The following LCLAT1 variants were observed in gnomAD, a reference collection of about 807,000 sequenced individuals.
The protein encoded by LCLAT1 is 1-AGP acyltransferase 8.
A neutral mutation model predicts 30.7 loss-of-function variants in LCLAT1; 11 were observed. The observed-to-expected ratio is 0.36, with a 90% CI of 0.23 to 0.59. The LOEUF (loss-of-function observed/expected upper bound fraction) is 0.59, where lower values mean the gene tolerates loss of function less well. LCLAT1 is among the 20% of genes least tolerant of loss of function. LCLAT1 has a pLI of 0.77. For missense variants in LCLAT1, 402 were observed against 458.6 expected, an observed-to-expected ratio of 0.88 and a Z score of 1.13; for synonymous variants, 155 against 151.3, an observed-to-expected ratio of 1.02 and a Z score of -0.18.
chr2:30,556,577 G>T (rs1664927301), intron 3 of LCLAT1, among the ~76,000 whole-genome samples: 1 of 152,012 alleles, frequency 6.6e-6, no homozygotes, highest in Admixed American at 6.5e-5. Flanking sequence ...ATAAAGACAA[G>T]AAATTCTCAG....
intron 1 of LCLAT1, among the ~76,000 whole-genome samples, chr2:30,467,822 G>A (rs1201028277): frequency 1.3e-5 from 2 of 151,992 alleles, no homozygotes; most frequent in African/African-American, 2.4e-5. Flanking sequence ...TGAGTTCTTT[G>A]TAGATTCTGG....
At chr2:30,455,865 A>G (rs903690838) in intron 1 of LCLAT1, among the ~76,000 whole-genome samples, 3 of 141,586 alleles carry the variant, frequency 2.1e-5, no homozygotes, top group African/African-American at 8.0e-5. Flanking sequence ...AGCTGTGATC[A>G]TGCCACTCAA....
intron 4 of LCLAT1, among the ~76,000 whole-genome samples, chr2:30,565,254 G>A (rs1202864762): frequency 6.6e-6 from 1 of 151,816 alleles, no homozygotes; most frequent in East Asian, 1.9e-4. Flanking sequence ...GAGATCCCGG[G>A]AAGTAGTCGA....
intron 2 of LCLAT1, among the ~76,000 whole-genome samples, chr2:30,529,521 A>C (rs1685888546): frequency 6.6e-6 from 1 of 152,222 alleles, no homozygotes; most frequent in Non-Finnish European, 1.5e-5. Context: ...CAAACTCAGC[A>C]TGTGCTCAGA....
At chr2:30,617,923 T>C (rs752221141) in intron 5 of LCLAT1, among the ~76,000 whole-genome samples, 4 of 152,182 alleles carry the variant, frequency 2.6e-5, no homozygotes, top group Non-Finnish European at 5.9e-5. Flanking sequence ...GCAAACATTA[T>C]CTTCCAATCT....
chr2:30,485,194 A>G (rs921706474), intron 1 of LCLAT1, among the ~76,000 whole-genome samples: 4 of 152,204 alleles, frequency 2.6e-5, no homozygotes, highest in Non-Finnish European at 5.9e-5. Flanking sequence ...AATTATCAGC[A>G]GATGTTTTCC....
intron 5 of LCLAT1, among the ~76,000 whole-genome samples, chr2:30,585,542 T>C (rs1666396955): frequency 6.6e-6 from 1 of 152,192 alleles, no homozygotes; most frequent in South Asian, 2.1e-4. Flanking sequence ...GGATCTTGTC[T>C]TCAGGAATTG....
At chr2:30,623,459 G>A (rs774324138) in intron 5 of LCLAT1, among the ~76,000 whole-genome samples, 1 of 152,076 alleles carries the variant, frequency 6.6e-6, no homozygotes, top group Non-Finnish European at 1.5e-5. Flanking sequence ...TTAGAGAAAT[G>A]CATAGTACAC....
intron 2 of LCLAT1, among the ~76,000 whole-genome samples, chr2:30,526,662 T>A (rs1199504589): frequency 6.6e-6 from 1 of 152,172 alleles, no homozygotes; most frequent in Non-Finnish European, 1.5e-5. Context: ...GTTGGCAGGA[T>A]CTCTTAATGT....
At chr2:30,500,660 A>G (rs566451660) in intron 1 of LCLAT1, among the ~76,000 whole-genome samples, 60 of 152,302 alleles carry the variant, frequency 3.9e-4, no homozygotes, top group Non-Finnish European at 6.8e-4. Flanking sequence ...TTGTGGGTAA[A>G]CTACCCTTTG....
chr2:30,531,039 G>A (rs1461896568), intron 2 of LCLAT1, among the ~76,000 whole-genome samples: 1 of 152,124 alleles, frequency 6.6e-6, no homozygotes, highest in Non-Finnish European at 1.5e-5. Context: ...GCCAAGGCGG[G>A]CGAGTCGCAA....
At chr2:30,470,798 A>C (rs1682742395) in intron 1 of LCLAT1, among the ~76,000 whole-genome samples, 2 of 152,148 alleles carry the variant, frequency 1.3e-5, no homozygotes, top group Non-Finnish European at 2.9e-5. Context: ...ATTTCTGCAA[A>C]AGTTATTGGA....
At chr2:30,458,075 G>A (rs1681922966) in intron 1 of LCLAT1, among the ~76,000 whole-genome samples, 2 of 151,968 alleles carry the variant, frequency 1.3e-5, no homozygotes, top group South Asian at 4.1e-4. Context: ...TTTTCACTTG[G>A]TTGTTAGGTT....
At chr2:30,637,651 C>T (rs1027172777) in intron 5 of LCLAT1, among the ~76,000 whole-genome samples, 3 of 152,188 alleles carry the variant, frequency 2.0e-5, no homozygotes, top group Non-Finnish European at 4.4e-5. Context: ...GATCTCAGCT[C>T]ACTGCAACCT....
At chr2:30,549,979 G>T (rs1369154917) in intron 3 of LCLAT1, among the ~76,000 whole-genome samples, 1 of 152,116 alleles carries the variant, frequency 6.6e-6, no homozygotes, top group Non-Finnish European at 1.5e-5. Flanking sequence ...TGAAAATAAT[G>T]TCAAAACTAT....
At chr2:30,524,246 A>C (rs1449518463) in intron 1 of LCLAT1, among the ~76,000 whole-genome samples, 1 of 152,230 alleles carries the variant, frequency 6.6e-6, no homozygotes, top group Non-Finnish European at 1.5e-5. Context: ...AGGACCCCCT[A>C]CAGTAATCCT....
intron 3 of LCLAT1, among the ~76,000 whole-genome samples, chr2:30,540,385 A>G (rs192704914): frequency 3.3e-4 from 51 of 152,294 alleles, no homozygotes; most frequent in Admixed American, 6.5e-4. Context: ...AATTTTTCCA[A>G]TCTTCAGCAC....
At chr2:30,571,313 A>T (rs981964488) in intron 5 of LCLAT1, among the ~76,000 whole-genome samples, 1 of 152,184 alleles carries the variant, frequency 6.6e-6, no homozygotes, top group African/African-American at 2.4e-5. Flanking sequence ...AGAATTGCTG[A>T]CTTAACATGC....
Position 30,515,036 on chromosome 2 carries a change from G to A in LCLAT1, c.-4-10551G>A, listed in dbSNP as rs117963336. Among the ~76,000 whole-genome samples the A allele has an allele frequency of 1.8e-3, 277 of 151,726 alleles. 2 individuals are homozygous for A. The East Asian group carries it at 0.029, about 16-fold the overall frequency. On this transcript the variant is annotated intron_variant, in intron 1 of 5. Coordinates refer to ENST00000379509, the MANE Select transcript of LCLAT1 (RefSeq NM_001002257.3). ...TCAGGCCTATGTTGTTGTAACCCCCGCTCCCCCACTGCCCCCATTGTATAC... is the reference window on the plus strand; with the variant it reads ...TCAGGCCTATGTTGTTGTAACCCCCACTCCCCCACTGCCCCCATTGTATAC...
Sources: allele counts gnomAD v4.1 joint callset (sites outside exome capture counted in the v4.1 genomes callset), GRCh38; gene constraint gnomAD v4.1.1; transcripts MANE v1.5; gene names NCBI Gene and HGNC (gene_info 2026-07-23, HGNC 2026-07-21).